The following HIGD1A variants were observed in gnomAD, a reference collection of about 807,000 sequenced individuals.
HIGD1A encodes HIG1 hypoxia inducible domain family member 1A.
HIGD1A carries 8 observed loss-of-function variants against 11.3 expected under a neutral mutation model. The ratio of observed to expected loss-of-function variants is 0.71; its 90% CI spans 0.42 to 1.28. The LOEUF (loss-of-function observed/expected upper bound fraction) is 1.28. Among genes scored for constraint, HIGD1A ranks in the 50% most tolerant of loss-of-function variants. The probability of loss-of-function intolerance (pLI) is 0.01; values close to 1 mark genes in which losing one functional copy is unlikely to be tolerated. For synonymous variants in HIGD1A, 32 were observed against 38.4 expected, an observed-to-expected ratio of 0.83 and a Z score of 0.62; for missense variants, 107 against 118.8, an observed-to-expected ratio of 0.90 and a Z score of 0.46.
chr3:42,799,856 C>G (rs768290339), intron 1 of HIGD1A, among the ~76,000 whole-genome samples: 1 of 152,160 alleles, frequency 6.6e-6, no homozygotes, highest in African/African-American at 2.4e-5. Flanking sequence ...AAGCCTAACA[C>G]AGACAAGGTC....
chr3:42,786,159 A>G lies in HIGD1A; in HGVS notation c.101T>C (p.Ile34Thr). 1 of 1,614,074 alleles carries G rather than the reference A, an allele frequency of 6.2e-7. No individual in the cohort carries two copies. The highest frequency in any genetic ancestry group is 1.1e-5 in the South Asian group (1 of 91,068). Residue 34 changes from isoleucine to threonine, a missense_variant, in exon 3 of 4, where the codon ATA (isoleucine) becomes ACA (threonine). Coordinates refer to ENST00000321331, the MANE Select transcript of HIGD1A (RefSeq NM_014056.4). ...TGCAACAATTGCTGCAAAACCCGCT[A>G]TTCCTGTAAAACAAAGTAACAAGTA... is the stretch of plus-strand genomic sequence containing the variant. ...AKEAPFVPVGIAGFAAIVAYG... is the reference protein window; with the variant it reads ...AKEAPFVPVGTAGFAAIVAYG...
At chr3:42,790,292 G>T (rs1023309861) in intron 2 of HIGD1A, among the ~76,000 whole-genome samples, 1 of 152,204 alleles carries the variant, frequency 6.6e-6, no homozygotes. Flanking sequence ...CAGTACTTTG[G>T]GAGGCTGAGG....
intron 2 of HIGD1A, among the ~76,000 whole-genome samples, chr3:42,787,296 G>C (rs913898506): frequency 6.6e-6 from 1 of 151,604 alleles, no homozygotes; most frequent in Non-Finnish European, 1.5e-5. Context: ...AAATCATAAG[G>C]AGGAAAAAAA....
chr3:42,795,835 C>T (rs1401301481), intron 1 of HIGD1A, among the ~76,000 whole-genome samples: 1 of 152,126 alleles, frequency 6.6e-6, no homozygotes, highest in Non-Finnish European at 1.5e-5. Context: ...TTAACAAATG[C>T]TATTTCATTT....
intron 3 of HIGD1A, 103 bp downstream of exon 3, chr3:42,785,925 T>C: frequency 9.9e-7 from 1 of 1,013,898 alleles, no homozygotes; most frequent in Non-Finnish European, 1.5e-6. Context: ...ATAAGTGATA[T>C]TCTCCAACTG....
In HIGD1A at chr3:42,804,451, C is replaced by T. The variant is rs1700610397; in HGVS notation, c.-38G>A. On this transcript the variant is annotated 5_prime_UTR_variant, in exon 1 of 4. Transcript: ENST00000321331. ...TTTCGCTTACCTAGAGCGAGAAAAC[C>T]TCTCACACCCCAACCGGCTTCCGAT... 2 of 486,152 alleles carry T rather than the reference C, an allele frequency of 4.1e-6. No homozygotes were observed. The highest frequency in any genetic ancestry group is 7.9e-5 in the Admixed American group (2 of 25,250). 30.1% of individuals were successfully genotyped at this position (486,152 alleles called of 1,614,324 possible).
At chr3:42,796,425 A>C (rs1700500050) in intron 1 of HIGD1A, among the ~76,000 whole-genome samples, 1 of 138,822 alleles carries the variant, frequency 7.2e-6, no homozygotes, top group African/African-American at 2.5e-5. Context: ...TCGTTCAAAA[A>C]TTAGTTGTTG....
At chr3:42,786,888 C>T (rs909710466) in intron 2 of HIGD1A, among the ~76,000 whole-genome samples, 3 of 152,156 alleles carry the variant, frequency 2.0e-5, no homozygotes, top group Non-Finnish European at 4.4e-5. Context: ...TGATCCTCTT[C>T]GCTCAGCCTC....
At chr3:42,794,340 G>A in intron 1 of HIGD1A, 65 bp from the exon 2 acceptor site, 2 of 1,379,146 alleles carry the variant, frequency 1.5e-6, no homozygotes, top group Non-Finnish European at 9.7e-7. Flanking sequence ...ATATCTGGAT[G>A]TATTTAAAAT....
At position 42,786,123 on chromosome 3, in the gene HIGD1A, T is replaced by C. The variant is rs1349595983; in HGVS notation, c.137A>G (p.Tyr46Cys). 3.1e-6 allele frequency: 5 copies of C among 1,614,092 alleles called. No homozygotes were observed. The South Asian group carries it at 3.3e-5, about 11-fold the overall frequency. ...AGTATTTCCCCTGCTCTTCAGTTTA[T>C]ATAATCCATATGCAACAATTGCTGC... ...GFAAIVAYGL[Y>C]KLKSRGNTKM... The change falls in exon 3 of 4, where the codon TAT (tyrosine) becomes TGT (cysteine). Residue 46 changes from tyrosine (Y) to cysteine (C), a missense_variant. Coordinates refer to ENST00000321331, the MANE Select transcript of HIGD1A (RefSeq NM_014056.4).
chr3:42,799,449 A>G (rs1186256346), intron 1 of HIGD1A, among the ~76,000 whole-genome samples: 1 of 152,128 alleles, frequency 6.6e-6, no homozygotes, highest in Non-Finnish European at 1.5e-5. Context: ...GGCTGTTACC[A>G]TCTTTGCTTT....
intron 3 of HIGD1A, 90 bp downstream of exon 3, chr3:42,785,938 A>G (rs370566101): frequency 8.3e-7 from 1 of 1,209,398 alleles, no homozygotes; most frequent in East Asian, 2.4e-5. Context: ...TCCAACTGCT[A>G]AAAGGTCAGC....
In HIGD1A at chr3:42,785,063, T is replaced by G; in HGVS notation, c.*208A>C. 1 of 463,668 alleles carries G rather than the reference T, an allele frequency of 2.2e-6. No individual in the cohort carries two copies. Among genetic ancestry groups the G allele is most frequent in the South Asian group, 5.1e-5 (1 of 19,572 alleles). 28.7% of individuals were successfully genotyped at this position (463,668 alleles called of 1,614,324 possible). On this transcript the variant is annotated 3_prime_UTR_variant, in exon 4 of 4. Coordinates refer to ENST00000321331, the MANE Select transcript of HIGD1A (RefSeq NM_014056.4). ...ACATGTTTAAGTTAACTTGACTTCC[T>G]TGAATGACCTAGTTAGTAAACTAGT...
chr3:42,785,183 T>G lies in HIGD1A; in HGVS notation c.*88A>C. The G allele has an allele frequency of 9.6e-7, 1 of 1,041,702 alleles. No individual in the cohort carries two copies. The highest frequency in any genetic ancestry group is 1.4e-5 in the South Asian group (1 of 71,868). The allele number at this position is 1,041,702 out of a possible 1,614,324, so 64.5% of individuals were successfully genotyped here. A position where few individuals can be genotyped will look rare whatever the true frequency, so the allele number is the denominator to read the frequency against. Reference sequence around the variant, plus strand: ...ACCATCTAAACCCATACAAATTAGTTTATTTCCAACAATAATAGGTAACTT... The same window carrying G: ...ACCATCTAAACCCATACAAATTAGTGTATTTCCAACAATAATAGGTAACTT... On this transcript the variant is annotated 3_prime_UTR_variant, in exon 4 of 4. Transcript: ENST00000321331.
intron 1 of HIGD1A, among the ~76,000 whole-genome samples, chr3:42,796,523 A>G (rs1012360224): frequency 5.9e-5 from 9 of 152,122 alleles, no homozygotes; most frequent in Non-Finnish European, 1.2e-4. Context: ...ATTTACCAAG[A>G]CAGGGGAATT....
Position 42,785,335 on chromosome 3 carries a change from T to G in HIGD1A, c.233-15A>C, listed in dbSNP as rs778334705. 6.2e-7 allele frequency: 1 copy of G among 1,602,562 alleles called. No individual in the cohort carries two copies. Among genetic ancestry groups the G allele is most frequent in the Admixed American group, 1.7e-5 (1 of 59,648 alleles). On this transcript the variant is annotated splice_polypyrimidine_tract_variant and intron_variant, in intron 3 of 3. Coordinates refer to ENST00000321331, the MANE Select transcript of HIGD1A (RefSeq NM_014056.4). ...ATAGCCCATACCTAAAGAAAAAGAA[T>G]GCTAGTTAAGCATTTCAGTATTTTC...
chr3:42,796,630 G>A (rs999678283), intron 1 of HIGD1A, among the ~76,000 whole-genome samples: 2 of 152,098 alleles, frequency 1.3e-5, no homozygotes, highest in Non-Finnish European at 2.9e-5. Flanking sequence ...TCAGGGATCA[G>A]TTTTTAAGGA....
In HIGD1A at chr3:42,783,251, C is replaced by G. The variant is rs1700301801; in HGVS notation, c.*2020G>C. Among the ~76,000 whole-genome samples the G allele has an allele frequency of 6.6e-6, 1 of 152,142 alleles. No individual in the cohort carries two copies. Among genetic ancestry groups the G allele is most frequent in the South Asian group, 2.1e-4 (1 of 4,816 alleles). On this transcript the variant is annotated 3_prime_UTR_variant, in exon 4 of 4. Transcript: ENST00000321331. ...AAAAGAAAGTGGAAGTTCACTGATA[C>G]AATAATAGTTGGGCACCAGAGTGTA...
intron 2 of HIGD1A, among the ~76,000 whole-genome samples, chr3:42,786,871 G>A (rs559473077): frequency 2.0e-5 from 3 of 152,144 alleles, no homozygotes; most frequent in Admixed American, 1.3e-4. Context: ...GTTCTCCCAG[G>A]CTCAGGTGAT....
Sources: gnomAD v4.1 joint callset for allele counts (sites outside exome capture counted in the v4.1 genomes callset) on GRCh38, gnomAD v4.1.1 for gene constraint, MANE v1.5 for transcripts, NCBI Gene and HGNC (gene_info 2026-07-23, HGNC 2026-07-21) for gene names.